Variants in ZNF846 observed in about 807,000 individuals in gnomAD.
ZNF846 encodes the protein zinc finger protein 846, also known as zinc finger protein 420 pseudogene.
In ZNF846, 15 loss-of-function variants were observed where a neutral mutation model predicts 16.0. That is an observed-to-expected ratio of 0.94 (90% CI 0.63 to 1.45). ZNF846 has a LOEUF of 1.45. Among genes scored for constraint, ZNF846 ranks in the 40% most tolerant of loss-of-function variants. The pLI is 0.00. For synonymous variants in ZNF846, 229 were observed against 212.0 expected, an observed-to-expected ratio of 1.08 and a Z score of -0.70; for missense variants, 714 against 622.3, an observed-to-expected ratio of 1.15 and a Z score of -1.57.
downstream of ZNF846, among the ~76,000 whole-genome samples, chr19:9,755,242 A>G (rs1260213010): frequency 4.0e-5 from 6 of 151,594 alleles, no homozygotes; most frequent in Non-Finnish European, 8.8e-5. Flanking sequence ...TCTTACTAAA[A>G]TATAGAAAAA....
At position 9,757,479 on chromosome 19, in the gene ZNF846, G is replaced by GT. The variant is rs1338359779; in HGVS notation, c.1597dup (p.Thr533AsnfsTer?). 7.0e-6 allele frequency: 11 copies of GT among 1,567,970 alleles called. No individual in the cohort carries two copies. The highest frequency in any genetic ancestry group is 9.5e-6 in the Non-Finnish European group (11 of 1,159,366). On this transcript the variant is annotated frameshift_variant, in exon 6 of 6. Coordinates refer to ENST00000397902, the Ensembl canonical transcript of ZNF846. LOFTEE classifies it high-confidence loss of function. ...TACTAAGATCTGAGGAACACTTCAG[G>GT]TTTTTTCACATGCCTTAGTTCTTAG... is the stretch of plus-strand genomic sequence containing the variant.
chr19:9,771,530 C>CT (rs2145286757), upstream of ZNF846, among the ~76,000 whole-genome samples: 1 of 152,230 alleles, frequency 6.6e-6, no homozygotes, highest in African/African-American at 2.4e-5. Context: ...TTAGTTCCCA[C>CT]TTATAAGTGA....
exon 6 of ZNF846, chr19:9,758,570 C>T: frequency 1.9e-6 from 3 of 1,612,714 alleles, no homozygotes; most frequent in Non-Finnish European, 1.7e-6. Context: ...CACACTTAGG[C>T]ATTTTCCCCT....
At chr19:9,757,898 G>T in exon 6 of ZNF846, 1 of 1,613,110 alleles carries the variant, frequency 6.2e-7, no homozygotes, top group Non-Finnish European at 8.5e-7. Context: ...TACATTCATA[G>T]GGCTTTTCTC....
At chr19:9,754,386 A>C (rs2045113433), downstream of ZNF846, among the ~76,000 whole-genome samples, 1 of 151,142 alleles carries the variant, frequency 6.6e-6, no homozygotes, top group African/African-American at 2.5e-5. Context: ...CAACATGGCA[A>C]AACCCTGTCT....
In ZNF846 at chr19:9,779,631, C is replaced by T. The variant is rs544936152; in HGVS notation, c.-86+6307G>A. 4.0e-5 allele frequency among the ~76,000 whole-genome samples: 6 copies of T among 150,784 alleles called. 2 individuals are homozygous for T. The South Asian group carries it at 1.0e-3, about 26-fold the overall frequency. ...TGTTGCCCAGGCTAGAGTGTAATGG[C>T]GTGATCTCAGCTCACTGCAGCTTCT... On this transcript the variant is annotated intron_variant, in intron 1 of 4. Transcript: ENST00000586814.
chr19:9,767,762 C>T (rs1338104166), intron 1 of ZNF846, among the ~76,000 whole-genome samples: 15 of 152,016 alleles, frequency 9.9e-5, no homozygotes. Flanking sequence ...TGGTGAAACC[C>T]CGTCTCTACT....
downstream of ZNF846, among the ~76,000 whole-genome samples, chr19:9,753,386 G>A (rs1295979188): frequency 6.6e-6 from 1 of 150,514 alleles, no homozygotes; most frequent in Non-Finnish European, 1.5e-5. Context: ...TGGATAACTG[G>A]GACTACAGGC....
chr19:9,780,494 G>A (rs546531718), intron 1 of ZNF846, among the ~76,000 whole-genome samples: 1 of 152,124 alleles, frequency 6.6e-6, no homozygotes, highest in East Asian at 1.9e-4. Flanking sequence ...CTATCACCCA[G>A]GATGGAGTGC....
rs1385337819 is a variant in ZNF846, at chr19:9,758,648, CT to C, written c.428del (p.Glu143GlyfsTer9). The stretch of plus-strand genomic sequence containing the variant: ...TTAAGGCTTTTCCACTCTGATTATC[CT>C]CAGAAGTTTTCTCTCCAATGTGAGT... On this transcript the variant is annotated frameshift_variant, in exon 6 of 6. Transcript: ENST00000397902. LOFTEE classifies it low-confidence loss of function (END_TRUNC). 5.6e-6 allele frequency: 9 copies of C among 1,612,902 alleles called. No individual in the cohort carries two copies. Among genetic ancestry groups the C allele is most frequent in the African/African-American group, 1.3e-5 (1 of 74,338 alleles).
intron 1 of ZNF846, 148 bp from the exon 2 acceptor site, chr19:9,765,183 G>A (rs1446536043): frequency 5.7e-6 from 3 of 530,586 alleles, no homozygotes; most frequent in Non-Finnish European, 1.0e-5. Context: ...GACCAGCCTG[G>A]CCAACAGGGT....
intron 1 of ZNF846, among the ~76,000 whole-genome samples, chr19:9,782,418 C>A (rs2045511172): frequency 6.6e-6 from 1 of 152,236 alleles, no homozygotes; most frequent in African/African-American, 2.4e-5. Context: ...GTGTGCACCA[C>A]CACACCTAAT....
chr19:9,754,896 A>G (rs1368743283), downstream of ZNF846, among the ~76,000 whole-genome samples: 3 of 148,346 alleles, frequency 2.0e-5, no homozygotes, highest in Non-Finnish European at 4.4e-5. Flanking sequence ...ATGGAGTATC[A>G]CTCTTGTTGC....
downstream of ZNF846, chr19:9,756,754 C>T (rs952148765): frequency 1.6e-5 from 2 of 125,408 alleles, no homozygotes; most frequent in Admixed American, 9.6e-5. Context: ...AAGTCCTGAG[C>T]ACTAAGTAAA....
At chr19:9,758,389 C>G (rs2045168201) in exon 6 of ZNF846, 1 of 1,613,194 alleles carries the variant, frequency 6.2e-7, no homozygotes, top group African/African-American at 1.3e-5. Context: ...TTCCCACATT[C>G]CTTACATACA....
chr19:9,774,273 C>A (rs1156764654), intron 1 of ZNF846, among the ~76,000 whole-genome samples: 1 of 151,888 alleles, frequency 6.6e-6, no homozygotes, highest in Non-Finnish European at 1.5e-5. Context: ...TAGAGACCAC[C>A]CTGGCTAACA....
intron 2 of ZNF846, among the ~76,000 whole-genome samples, chr19:9,764,444 A>G (rs986397914): frequency 6.6e-6 from 1 of 152,224 alleles, no homozygotes; most frequent in Non-Finnish European, 1.5e-5. Flanking sequence ...GTACTTCTAC[A>G]TACAAATGTA....
At chr19:9,763,432 C>A (rs2045264091) in intron 2 of ZNF846, 24 bp from the exon 3 acceptor site, 1 of 1,575,282 alleles carries the variant, frequency 6.3e-7, no homozygotes, top group Non-Finnish European at 8.6e-7. Context: ...TACATGCCAG[C>A]TTCAGCTAAG....
At chr19:9,780,443 A>C (rs60380360) in intron 1 of ZNF846, among the ~76,000 whole-genome samples, 5,596 of 151,854 alleles carry the variant, frequency 0.037, 355 homozygotes, top group African/African-American at 0.13. Context: ...TTTCATCATG[A>C]TATTACCTAG....
Sources: gnomAD v4.1 joint callset for allele counts (sites outside exome capture counted in the v4.1 genomes callset) on GRCh38, gnomAD v4.1.1 for gene constraint, MANE v1.5 for transcripts, NCBI Gene and HGNC (gene_info 2026-07-23, HGNC 2026-07-21) for gene names.